The following GSAP variants were observed in gnomAD, a reference collection of about 807,000 sequenced individuals.
GSAP encodes the protein gamma-secretase activating protein, also known as gamma-secretase-activating protein.
GSAP carries 118 observed loss-of-function variants against 131.7 expected under a neutral mutation model. The ratio of observed to expected loss-of-function variants is 0.90; its 90% CI spans 0.77 to 1.04. GSAP has a LOEUF of 1.04. Among genes scored for constraint, GSAP ranks in the 50% least tolerant of loss-of-function variants. GSAP has a pLI of 0.00. For missense variants in GSAP, 1,019 were observed against 1,013.2 expected, an observed-to-expected ratio of 1.01 and a Z score of -0.08; for synonymous variants, 381 against 363.4, an observed-to-expected ratio of 1.05 and a Z score of -0.55.
intron 1 of GSAP, among the ~76,000 whole-genome samples, chr7:77,412,207 AAATG>A (rs373313849): frequency 8.0e-4 from 122 of 152,318 alleles, no homozygotes; most frequent in African/African-American, 2.8e-3. Context: ...TAATGAAACA[AAATG>A]AACTCAGAAA....
At chr7:77,351,676 C>T in intron 18 of GSAP, 1 of 985,822 alleles carries the variant, frequency 1.0e-6, no homozygotes, top group Non-Finnish European at 1.2e-6. Context: ...AATAGCTGCT[C>T]CACCCTGCAC....
intron 18 of GSAP, 117 bp from the exon 19 acceptor site, chr7:77,349,521 A>T (rs1792448789): frequency 1.3e-6 from 1 of 766,530 alleles, no homozygotes. Context: ...CCAGCTTCTA[A>T]CCTCTACTTT....
intron 19 of GSAP, among the ~76,000 whole-genome samples, chr7:77,333,684 G>A (rs1789513192): frequency 6.6e-6 from 1 of 152,192 alleles, no homozygotes; most frequent in Non-Finnish European, 1.5e-5. Flanking sequence ...TTTAAAATAG[G>A]AGATATAGTT....
At chr7:77,342,003 T>A (rs1584365575) in intron 19 of GSAP, among the ~76,000 whole-genome samples, 1 of 152,226 alleles carries the variant, frequency 6.6e-6, no homozygotes, top group African/African-American at 2.4e-5. Flanking sequence ...GGCCAAGGAA[T>A]GCCCACAGCC....
Position 77,374,061 on chromosome 7 carries a change from C to T in GSAP, c.871+9G>A, listed in dbSNP as rs1411724821. 5 of 1,434,288 alleles carry T rather than the reference C, an allele frequency of 3.5e-6. No homozygotes were observed. In the Admixed American group the frequency reaches 5.3e-5, roughly 15 times the overall value. 88.8% of individuals were successfully genotyped at this position (1,434,288 alleles called of 1,614,324 possible). ...GTTGAATAAATTGATAAATACAACC[C>T]TAGTTTACCTGTATGGTTGGTAAAA... On this transcript the variant is annotated intron_variant, in intron 12 of 30. Transcript: ENST00000257626.
At chr7:77,402,452 G>T (rs1424482592) in intron 3 of GSAP, among the ~76,000 whole-genome samples, 1 of 148,146 alleles carries the variant, frequency 6.8e-6, no homozygotes, top group Non-Finnish European at 1.5e-5. Flanking sequence ...AAGATTAGCT[G>T]GGCGTGGTGG....
intron 14 of GSAP, 116 bp downstream of exon 14, chr7:77,360,708 T>C: frequency 1.6e-6 from 1 of 620,280 alleles, no homozygotes; most frequent in South Asian, 1.9e-5. Flanking sequence ...TCATTGATTG[T>C]CATCACAATC....
chr7:77,368,692 A>AC (rs1795685779), intron 12 of GSAP, among the ~76,000 whole-genome samples: 1 of 152,262 alleles, frequency 6.6e-6, no homozygotes. Flanking sequence ...AGGCAAGTTA[A>AC]TTAAATTATC....
At chr7:77,348,954 G>A (rs1792324697) in intron 19 of GSAP, among the ~76,000 whole-genome samples, 1 of 151,282 alleles carries the variant, frequency 6.6e-6, no homozygotes, top group African/African-American at 2.4e-5. Context: ...GTGTGTGTGT[G>A]CACGTGCACG....
intron 6 of GSAP, among the ~76,000 whole-genome samples, chr7:77,386,790 T>C (rs953770409): frequency 1.3e-5 from 2 of 152,232 alleles, no homozygotes; most frequent in East Asian, 3.8e-4. Context: ...CATCACCGTG[T>C]TCAACCTCAA....
At chr7:77,327,680 T>G (rs937985026) in intron 22 of GSAP, among the ~76,000 whole-genome samples, 3 of 152,238 alleles carry the variant, frequency 2.0e-5, no homozygotes, top group Non-Finnish European at 4.4e-5. Flanking sequence ...GAAAGTGTTC[T>G]TCTGGCAACT....
In GSAP at chr7:77,326,575, A is replaced by T. The variant is rs921660590; in HGVS notation, c.1766-302T>A. 6 of 237,374 alleles carry T rather than the reference A, an allele frequency of 2.5e-5. No homozygotes were observed. In the Admixed American group the frequency reaches 2.8e-4, roughly 11 times the overall value. 14.7% of individuals were successfully genotyped at this position (237,374 alleles called of 1,614,324 possible). A position where few individuals can be genotyped will look rare whatever the true frequency, so the allele number is the denominator to read the frequency against. On this transcript the variant is annotated intron_variant, in intron 22 of 30. Coordinates refer to ENST00000257626, the MANE Select transcript of GSAP (RefSeq NM_017439.4). Reference sequence around the variant, plus strand: ...AGAACCTCTGCTCCACTGGAAACAGAGGGACTTGGGCCTTCTCTTAACCCT... The same window carrying T: ...AGAACCTCTGCTCCACTGGAAACAGTGGGACTTGGGCCTTCTCTTAACCCT...
chr7:77,339,373 T>G (rs1294472469), intron 19 of GSAP, among the ~76,000 whole-genome samples: 1 of 151,988 alleles, frequency 6.6e-6, no homozygotes, highest in African/African-American at 2.4e-5. Context: ...GCATTTGGGG[T>G]AGGTGGAGTT....
intron 19 of GSAP, among the ~76,000 whole-genome samples, chr7:77,339,761 G>A (rs1790618295): frequency 2.0e-5 from 3 of 152,146 alleles, no homozygotes. Context: ...AAAAAGAAGC[G>A]ACTTTGTTCC....
Position 77,325,877 on chromosome 7 carries a change from G to A in GSAP, c.1827+335C>T, listed in dbSNP as rs1374655215. Among the ~76,000 whole-genome samples, 4 of 152,150 alleles carry A rather than the reference G, an allele frequency of 2.6e-5. No individual in the cohort carries two copies. The East Asian group carries it at 7.7e-4, about 29-fold the overall frequency. Reference sequence around the variant, plus strand: ...TGAGCCACTGTGCCCGGCCTGTTCTGTTGTATTTGAAACCCCAAATACAAA... The same window carrying A: ...TGAGCCACTGTGCCCGGCCTGTTCTATTGTATTTGAAACCCCAAATACAAA... On this transcript the variant is annotated intron_variant, in intron 23 of 30. Transcript: ENST00000257626.
intron 12 of GSAP, among the ~76,000 whole-genome samples, chr7:77,367,453 T>C (rs1338834624): frequency 6.6e-6 from 1 of 152,238 alleles, no homozygotes; most frequent in Non-Finnish European, 1.5e-5. Context: ...TCTGCATCTA[T>C]TGAGATAAAT....
intron 6 of GSAP, among the ~76,000 whole-genome samples, chr7:77,385,575 G>A (rs999143670): frequency 6.6e-6 from 1 of 152,200 alleles, no homozygotes; most frequent in African/African-American, 2.4e-5. Flanking sequence ...CCAGAAAAGA[G>A]AAGTGTGCTC....
intron 3 of GSAP, among the ~76,000 whole-genome samples, chr7:77,402,593 C>CAAAAAAAAAAAA (rs56739649): frequency 4.0e-4 from 10 of 24,774 alleles, no homozygotes; most frequent in South Asian, 2.1e-3. Context: ...GACTCTGTCT[C>CAAAAAAAAAAAA]AAAAAAAAAA....
chr7:77,344,143 A>T (rs754607449), intron 19 of GSAP, among the ~76,000 whole-genome samples: 5 of 152,212 alleles, frequency 3.3e-5, no homozygotes, highest in Non-Finnish European at 1.5e-5. Context: ...CCCTTCTGTC[A>T]GATATAATTC....
Sources: gnomAD v4.1 joint callset for allele counts (sites outside exome capture counted in the v4.1 genomes callset) on GRCh38, gnomAD v4.1.1 for gene constraint, MANE v1.5 for transcripts, NCBI Gene and HGNC (gene_info 2026-07-23, HGNC 2026-07-21) for gene names.